The following SORD variants were observed in gnomAD, a reference collection of about 807,000 sequenced individuals.
The protein encoded by SORD is (R,R)-butanediol dehydrogenase.
In SORD, 18 loss-of-function variants were observed where a neutral mutation model predicts 35.6. The observed-to-expected ratio is 0.51, with a 90% CI of 0.35 to 0.75. SORD has a LOEUF of 0.75. Among genes scored for constraint, SORD ranks in the 30% least tolerant of loss-of-function variants. The pLI, the probability that SORD is intolerant of heterozygous loss-of-function variation, is 0.01. For missense variants in SORD, 250 were observed against 390.2 expected (o/e 0.64, Z 3.03); for synonymous variants, 106 against 152.9 (o/e 0.69, Z 2.26).
intron 3 of SORD, among the ~76,000 whole-genome samples, chr15:45,048,269 T>C (rs1245441576): frequency 6.6e-6 from 1 of 152,232 alleles, no homozygotes; most frequent in Non-Finnish European, 1.5e-5. Flanking sequence ...TCCCATGGTT[T>C]GTTTTCCCCC....
intron 3 of SORD, among the ~76,000 whole-genome samples, chr15:45,055,190 T>C (rs1309883306): frequency 6.6e-6 from 1 of 152,178 alleles, no homozygotes; most frequent in Non-Finnish European, 1.5e-5. Flanking sequence ...AAGAAAGTCA[T>C]TGGTAGCTTG....
intron 3 of SORD, among the ~76,000 whole-genome samples, chr15:45,048,813 C>G (rs1039953089): frequency 1.3e-5 from 2 of 152,156 alleles, no homozygotes; most frequent in Admixed American, 6.5e-5. Context: ...AAGAGGGTTG[C>G]TGTTTCACAG....
intron 4 of SORD, among the ~76,000 whole-genome samples, chr15:45,063,635 T>C (rs1293299875): frequency 1.3e-5 from 2 of 152,114 alleles, no homozygotes; most frequent in African/African-American, 4.8e-5. Context: ...CTGATAACAA[T>C]CTTCCCTCAT....
intron 4 of SORD, among the ~76,000 whole-genome samples, chr15:45,063,396 G>T (rs538622804): frequency 0.011 from 1,691 of 151,848 alleles, 80 homozygotes; most frequent in Admixed American, 0.097. Flanking sequence ...AAAGGTTGGG[G>T]CTGGGAAGAA....
intron 1 of SORD, among the ~76,000 whole-genome samples, chr15:45,026,843 T>C (rs796678628): frequency 0.19 from 26,078 of 140,692 alleles, no homozygotes; most frequent in African/African-American, 0.44. Context: ...AGCCAGCGTC[T>C]GGGGCAGTGG....
At chr15:45,026,590 G>T (rs1461411625) in intron 1 of SORD, among the ~76,000 whole-genome samples, 1 of 133,258 alleles carries the variant, frequency 7.5e-6, no homozygotes, top group Non-Finnish European at 1.5e-5. Context: ...AAATGGTTCA[G>T]TGCCTCAGGA....
intron 1 of SORD, among the ~76,000 whole-genome samples, chr15:45,027,231 TA>T (rs1289857400): frequency 1.3e-5 from 2 of 152,264 alleles, no homozygotes; most frequent in Admixed American, 6.5e-5. Context: ...AGTTGATGTA[TA>T]AAGAAGCAAA....
chr15:45,057,223 T>A lies in SORD; in HGVS notation c.266-3844T>A, dbSNP rs1392122115. Among the ~76,000 whole-genome samples, 9 of 152,252 alleles carry A rather than the reference T, an allele frequency of 5.9e-5. No individual in the cohort carries two copies. In the East Asian group the frequency reaches 1.7e-3, roughly 29 times the overall value. ...TTGGCTGATATTCATTACTTATGTATATCAAGCACAGCAGTAAAACAAAAA... is the reference window on the plus strand; with the variant it reads ...TTGGCTGATATTCATTACTTATGTAAATCAAGCACAGCAGTAAAACAAAAA... On this transcript the variant is annotated intron_variant, in intron 3 of 8. Transcript: ENST00000267814.
In SORD at chr15:45,068,166, T is replaced by G. The variant is rs759314152; in HGVS notation, c.545-15T>G. On this transcript the variant is annotated splice_polypyrimidine_tract_variant and intron_variant, in intron 5 of 8. Transcript: ENST00000267814. ...TAATATTTCACGAACATATTCCATC[T>G]TCTGCTTTGTTTAGGGCCAATCGGG... The G allele has an allele frequency of 8.1e-6, 13 of 1,609,520 alleles. No individual in the cohort carries two copies. In the South Asian group the frequency reaches 1.3e-4, roughly 16 times the overall value.
intron 1 of SORD, among the ~76,000 whole-genome samples, chr15:45,037,376 C>A (rs1221988275): frequency 3.9e-5 from 6 of 152,100 alleles, no homozygotes; most frequent in South Asian, 2.1e-4. Flanking sequence ...TTTGGTGTGC[C>A]TGACTGTTGT....
intron 3 of SORD, among the ~76,000 whole-genome samples, chr15:45,049,500 G>A (rs1893094922): frequency 6.6e-6 from 1 of 152,102 alleles, no homozygotes; most frequent in African/African-American, 2.4e-5. Context: ...ACAAGACAAG[G>A]GGGTAAGAAA....
chr15:45,065,564 C>A (rs1219767214), intron 5 of SORD, among the ~76,000 whole-genome samples, 175 bp downstream of exon 5: 2 of 152,238 alleles, frequency 1.3e-5, no homozygotes, highest in African/African-American at 4.8e-5. Context: ...AAATGAGTAT[C>A]TGCAGACATG....
chr15:45,067,387 T>C (rs1220198725), intron 5 of SORD, among the ~76,000 whole-genome samples: 4 of 152,184 alleles, frequency 2.6e-5, no homozygotes, highest in Admixed American at 2.6e-4. Flanking sequence ...CATTTTTCCA[T>C]GTCAATAGAT....
chr15:45,063,907 T>C (rs1217509399), intron 4 of SORD, among the ~76,000 whole-genome samples: 2 of 146,406 alleles, frequency 1.4e-5, no homozygotes, highest in African/African-American at 2.5e-5. Flanking sequence ...GGGGAAGTGA[T>C]GGGAAAGAAG....
intron 7 of SORD, chr15:45,069,721 TG>T (rs1182118775): frequency 6.6e-6 from 1 of 152,222 alleles, no homozygotes; most frequent in Non-Finnish European, 1.5e-5. Flanking sequence ...TAATTGTATG[TG>T]GGAAATCCCC....
Position 45,036,922 on chromosome 15 carries a change from T to C in SORD, c.67-3486T>C, listed in dbSNP as rs143748621. Among the ~76,000 whole-genome samples the C allele has an allele frequency of 1.1e-4, 16 of 152,234 alleles. No individual in the cohort carries two copies. In the East Asian group the frequency reaches 2.5e-3, roughly 24 times the overall value. ...AGAAAAAGATTAAGCAAACAGAGGA[T>C]TGTGGCCAACATCATGGCAAGGAAA... On this transcript the variant is annotated intron_variant, in intron 1 of 8. Coordinates refer to ENST00000267814, the MANE Select transcript of SORD (RefSeq NM_003104.6).
chr15:45,050,843 C>G (rs1224183944), intron 3 of SORD, among the ~76,000 whole-genome samples: 1 of 152,164 alleles, frequency 6.6e-6, no homozygotes, highest in Non-Finnish European at 1.5e-5. Context: ...CTGTAGATAG[C>G]TCAAAAGAAA....
chr15:45,029,347 C>T (rs1430016929), intron 1 of SORD, among the ~76,000 whole-genome samples: 1 of 152,284 alleles, frequency 6.6e-6, no homozygotes, highest in Non-Finnish European at 1.5e-5. Context: ...GTGATGCAAG[C>T]TTTTTCTTGG....
At chr15:45,034,700 C>G (rs1223022613) in intron 1 of SORD, among the ~76,000 whole-genome samples, 1 of 147,480 alleles carries the variant, frequency 6.8e-6, no homozygotes, top group Non-Finnish European at 1.5e-5. Context: ...CTTCGCTCTC[C>G]GCGCCTCCTC....
Sources: allele counts gnomAD v4.1 joint callset (sites outside exome capture counted in the v4.1 genomes callset), GRCh38; gene constraint gnomAD v4.1.1; transcripts MANE v1.5; gene names NCBI Gene and HGNC (gene_info 2026-07-23, HGNC 2026-07-21).